The following TTC28 variants were observed in gnomAD, a reference collection of about 807,000 sequenced individuals.
The protein encoded by TTC28 is tetratricopeptide repeat domain 28.
TTC28 carries 61 observed loss-of-function variants against 198.0 expected under a neutral mutation model. The ratio of observed to expected loss-of-function variants is 0.31; its 90% CI spans 0.25 to 0.38. The LOEUF is 0.38. Among genes scored for constraint, TTC28 ranks in the 10% least tolerant of loss-of-function variants. The probability of loss-of-function intolerance (pLI) is 1.00; values close to 1 mark genes in which losing one functional copy is unlikely to be tolerated. For missense variants in TTC28, 2,678 were observed against 3,164.0 expected, an observed-to-expected ratio of 0.85 and a Z score of 3.69; for synonymous variants, 1,171 against 1,297.8, an observed-to-expected ratio of 0.90 and a Z score of 2.10.
At chr22:28,404,939 T>G (rs537313734) in intron 2 of TTC28, among the ~76,000 whole-genome samples, 21 of 152,300 alleles carry the variant, frequency 1.4e-4, no homozygotes, top group African/African-American at 9.6e-5. Flanking sequence ...CTTCCTGAAA[T>G]GCATGGTATT....
chr22:28,403,151 C>T (rs924120435), intron 2 of TTC28, among the ~76,000 whole-genome samples: 1 of 152,138 alleles, frequency 6.6e-6, no homozygotes, highest in East Asian at 1.9e-4. Flanking sequence ...TTTACCTCAA[C>T]CAACTCTTGC....
At chr22:28,447,000 CA>C (rs1190909046) in intron 2 of TTC28, among the ~76,000 whole-genome samples, 33 of 152,122 alleles carry the variant, frequency 2.2e-4, no homozygotes, top group Non-Finnish European at 1.5e-5. Flanking sequence ...TGACAGAAAA[CA>C]AAACTGAAGT....
chr22:28,472,366 G>A (rs2048107041), intron 2 of TTC28, among the ~76,000 whole-genome samples: 1 of 152,134 alleles, frequency 6.6e-6, no homozygotes, highest in South Asian at 2.1e-4. Context: ...CTTAAGCGGT[G>A]AAGAAATCAT....
intron 13 of TTC28, among the ~76,000 whole-genome samples, chr22:28,026,503 G>C (rs1229306315): frequency 6.6e-6 from 1 of 152,106 alleles, no homozygotes; most frequent in African/African-American, 2.4e-5. Context: ...CATGGAGGCT[G>C]GGCCCATGGG....
chr22:28,047,995 C>T (rs950895672), intron 12 of TTC28, among the ~76,000 whole-genome samples: 1 of 152,098 alleles, frequency 6.6e-6, no homozygotes, highest in African/African-American at 2.4e-5. Flanking sequence ...TGCTCCTTTC[C>T]ACTCCTCAAA....
intron 2 of TTC28, among the ~76,000 whole-genome samples, chr22:28,506,558 T>C (rs2048616348): frequency 6.6e-6 from 1 of 152,202 alleles, no homozygotes; most frequent in South Asian, 2.1e-4. Flanking sequence ...TACCAAAAAG[T>C]AGCCAGACTG....
chr22:28,376,135 T>C (rs983033978), intron 2 of TTC28, among the ~76,000 whole-genome samples: 4 of 152,200 alleles, frequency 2.6e-5, no homozygotes, highest in Non-Finnish European at 5.9e-5. Context: ...TCTATCTTCA[T>C]ACCTACCTAC....
chr22:28,432,604 T>C (rs1317690400), intron 2 of TTC28, among the ~76,000 whole-genome samples: 1 of 152,196 alleles, frequency 6.6e-6, no homozygotes, highest in African/African-American at 2.4e-5. Context: ...ATTTATATAG[T>C]TCATTAAAAT....
intron 12 of TTC28, among the ~76,000 whole-genome samples, chr22:28,050,134 C>T (rs1274966658): frequency 6.6e-6 from 1 of 152,092 alleles, no homozygotes; most frequent in Non-Finnish European, 1.5e-5. Context: ...CAGAGGAGCT[C>T]AGGCACTTAT....
At chr22:28,567,898 G>A (rs1601576105) in intron 2 of TTC28, among the ~76,000 whole-genome samples, 1 of 151,956 alleles carries the variant, frequency 6.6e-6, no homozygotes, top group Admixed American at 6.6e-5. Flanking sequence ...ATCAGAAAAG[G>A]TGTCATCAAG....
At chr22:28,455,015 C>T (rs747014571) in intron 2 of TTC28, among the ~76,000 whole-genome samples, 1 of 152,196 alleles carries the variant, frequency 6.6e-6, no homozygotes, top group African/African-American at 2.4e-5. Flanking sequence ...CTGATTACCA[C>T]ATTAAGCAAG....
rs1197320621 is a variant in TTC28, at chr22:28,098,924, C to T, written c.3538G>A (p.Val1180Ile). 22 of 1,551,608 alleles carry T rather than the reference C, an allele frequency of 1.4e-5. No homozygotes were observed. The highest frequency in any genetic ancestry group is 2.4e-5 in the East Asian group (1 of 40,908). Residue 1180 changes from valine to isoleucine, a missense_variant, in exon 10 of 23, where the codon GTC (valine) becomes ATC (isoleucine). By Grantham distance (29) the Val-to-Ile change is conservative. This residue lies in a region of TTC28 where 727 missense variants were observed against 861.9 expected (regional missense o/e 0.84). Transcript: ENST00000397906. Reference sequence around the variant, plus strand: ...CCCCAGCTGTTCTCACCTAGGCTGACGAGCACCCGCTGCAAGGCCTGGTAG... The same window carrying T: ...CCCCAGCTGTTCTCACCTAGGCTGATGAGCACCCGCTGCAAGGCCTGGTAG... ...SSYQALQRVL[V>I]SLGHHDEALA...
chr22:28,281,993 A>G (rs1342382025), intron 5 of TTC28, among the ~76,000 whole-genome samples: 1 of 152,214 alleles, frequency 6.6e-6, no homozygotes, highest in East Asian at 1.9e-4. Flanking sequence ...TCCTCAATCA[A>G]TAAGGCTACA....
intron 2 of TTC28, among the ~76,000 whole-genome samples, chr22:28,521,914 G>C (rs2048916621): frequency 6.6e-6 from 1 of 152,138 alleles, no homozygotes; most frequent in African/African-American, 2.4e-5. Context: ...TTTATGGAAA[G>C]CTCTACAAGC....
At chr22:27,984,905 C>T (rs1397252938) in intron 22 of TTC28, among the ~76,000 whole-genome samples, 1 of 152,186 alleles carries the variant, frequency 6.6e-6, no homozygotes, top group Non-Finnish European at 1.5e-5. Flanking sequence ...CTGGAAATCT[C>T]CCAGGCCCAC....
At position 28,107,048 on chromosome 22, in the gene TTC28, T is replaced by C; in HGVS notation, c.2783+14A>G. The C allele has an allele frequency of 1.3e-6, 2 of 1,538,010 alleles. No individual in the cohort carries two copies. The highest frequency in any genetic ancestry group is 1.8e-6 in the Non-Finnish European group (2 of 1,138,258). On this transcript the variant is annotated intron_variant, in intron 7 of 22. Transcript: ENST00000397906. ...GCAGAACTATAAACCACAATTGTCC[T>C]TGGTCATTTTTACCTGTGTCCATTT...
chr22:28,255,154 T>G (rs1395038801), intron 5 of TTC28, among the ~76,000 whole-genome samples: 2 of 151,920 alleles, frequency 1.3e-5, no homozygotes, highest in African/African-American at 4.8e-5. Flanking sequence ...CCAGTAAAAA[T>G]GATCTTGCAA....
At chr22:28,522,370 C>A (rs917018584) in intron 2 of TTC28, among the ~76,000 whole-genome samples, 1 of 151,970 alleles carries the variant, frequency 6.6e-6, no homozygotes, top group African/African-American at 2.4e-5. Context: ...CACCTGTAAT[C>A]CCAGCTACTC....
chr22:28,070,392 T>C (rs1160814815), intron 12 of TTC28, among the ~76,000 whole-genome samples: 2 of 152,152 alleles, frequency 1.3e-5, no homozygotes, highest in African/African-American at 4.8e-5. Context: ...CCCAAAAAAG[T>C]AAGACTACTC....
Sources: allele counts gnomAD v4.1 joint callset (sites outside exome capture counted in the v4.1 genomes callset), GRCh38; gene constraint gnomAD v4.1.1; regional missense constraint gnomAD v4.1.1; transcripts MANE v1.5; gene names NCBI Gene and HGNC (gene_info 2026-07-23, HGNC 2026-07-21).